The following FGF13 variants were observed in gnomAD, a reference collection of about 807,000 sequenced individuals.
FGF13 encodes fibroblast growth factor homologous factor 2.
Under a neutral mutation model 19.5 loss-of-function variants are expected in FGF13, and 2 were observed. The observed-to-expected ratio is 0.10, with a 90% CI of 0.04 to 0.32. The LOEUF is 0.32. Ranked by LOEUF, FGF13 falls within the 10% of genes least tolerant of loss-of-function variation. The pLI is 1.00. For missense variants in FGF13, 113 were observed against 192.7 expected, an observed-to-expected ratio of 0.59 and a Z score of 2.45; for synonymous variants, 72 against 76.9, an observed-to-expected ratio of 0.94 and a Z score of 0.33.
Position 138,883,345 on chromosome X carries a change from C to A in FGF13, c.-112-18695G>T, listed in dbSNP as rs775782202. On this transcript the variant is annotated intron_variant, in intron 1 of 2. Coordinates refer to the FGF13 transcript ENST00000421460. ...TGGGAATTAGATATTGGGTAGAGGA[C>A]CAGAGACGAGTACATGTGATCCTAC... 4.5e-5 allele frequency among the ~76,000 whole-genome samples: 5 copies of A among 111,390 alleles called. No individual in the cohort carries two copies. The South Asian group carries it at 1.9e-3, about 43-fold the overall frequency.
rs147243483 is a variant in FGF13 at position 138,962,849 on chromosome X, G to T, written c.-112-98199C>A. ...CATCACACACCGGGGCCTGTGATGG[G>T]GTTGTGGGACGGGGAGGGATAGCAT... On this transcript the variant is annotated intron_variant, in intron 1 of 2. Transcript: ENST00000421460. 4.7e-3 allele frequency among the ~76,000 whole-genome samples: 524 copies of T among 111,259 alleles called. 2 individuals are homozygous for T. Among genetic ancestry groups the T allele is most frequent in the African/African-American group, 0.016 (496 of 30,570 alleles).
At chrX:138,686,991 T>C (rs953055879) in intron 3 of FGF13, among the ~76,000 whole-genome samples, 1 of 111,932 alleles carries the variant, frequency 8.9e-6, no homozygotes, top group African/African-American at 3.2e-5. Context: ...ATTCAACATA[T>C]ACAAAAATCA....
chrX:139,092,989 A>T (rs1234657872), intron 1 of FGF13, among the ~76,000 whole-genome samples: 1 of 110,414 alleles, frequency 9.1e-6, no homozygotes, highest in African/African-American at 3.3e-5. Context: ...TCTGTTTAAC[A>T]ACTTTCACAA....
At chrX:138,648,937 A>G (rs2089336298) in intron 3 of FGF13, among the ~76,000 whole-genome samples, 1 of 112,392 alleles carries the variant, frequency 8.9e-6, no homozygotes, top group African/African-American at 3.2e-5. Flanking sequence ...TTGTATCTGA[A>G]CAGAAGGAAG....
At chrX:138,932,703 AGTGTGTGTGTGTGTGTGT>A (rs57793547) in intron 1 of FGF13, among the ~76,000 whole-genome samples, 1 of 90,287 alleles carries the variant, frequency 1.1e-5, no homozygotes, top group African/African-American at 4.1e-5. Flanking sequence ...TCAGGAGTGT[AGTGTGTGTGTGTGTGTGT>A]GTGTGTGTGT....
chrX:139,142,750 C>T (rs1187961195), intron 1 of FGF13, among the ~76,000 whole-genome samples: 1 of 111,833 alleles, frequency 8.9e-6, no homozygotes, highest in Admixed American at 9.5e-5. Context: ...AAGAAAAGAA[C>T]AGAAAAAGCA....
chrX:139,081,299 G>T (rs2083368924), intron 1 of FGF13, among the ~76,000 whole-genome samples: 1 of 111,230 alleles, frequency 9.0e-6, no homozygotes, highest in Non-Finnish European at 1.9e-5. Context: ...TATTTTCTTG[G>T]TTTCTAGGAT....
At chrX:138,955,444 T>C (rs1358016283) in intron 1 of FGF13, among the ~76,000 whole-genome samples, 3 of 112,083 alleles carry the variant, frequency 2.7e-5, no homozygotes, top group African/African-American at 9.7e-5. Flanking sequence ...AGTCTCTCTT[T>C]TAGTCCTCAA....
intron 3 of FGF13, among the ~76,000 whole-genome samples, chrX:138,668,728 A>G (rs2089580046): frequency 9.1e-6 from 1 of 110,207 alleles, no homozygotes; most frequent in African/African-American, 3.3e-5. Flanking sequence ...ATTTCAGAAA[A>G]GACGAGGGAA....
intron 1 of FGF13, among the ~76,000 whole-genome samples, chrX:138,919,498 A>G (rs1466856922): frequency 8.9e-6 from 1 of 112,209 alleles, no homozygotes; most frequent in African/African-American, 3.2e-5. Flanking sequence ...AAAATAAATA[A>G]ATTTTGTAAA....
chrX:139,147,144 A>T (rs2083897396), intron 1 of FGF13, among the ~76,000 whole-genome samples: 1 of 109,288 alleles, frequency 9.2e-6, no homozygotes, highest in East Asian at 2.9e-4. Context: ...AAAAATAAAG[A>T]ACTTACTTGT....
intron 3 of FGF13, among the ~76,000 whole-genome samples, chrX:138,648,119 C>T (rs1405166854): frequency 8.9e-6 from 1 of 112,011 alleles, no homozygotes; most frequent in Non-Finnish European, 1.9e-5. Context: ...CTTTTACCAT[C>T]AACCTCTTAC....
rs756931417 is a variant in FGF13, at chrX:138,781,773, A to G, written c.218-72845T>C. ...ATTCCTTCTGAAACTATTCCAATCA[A>G]TAGAAAAAGAGGGAATCCTCCCTAA... On this transcript the variant is annotated intron_variant, in intron 3 of 6. Coordinates refer to the FGF13 transcript ENST00000436198. Among the ~76,000 whole-genome samples, 9 of 111,973 alleles carry G rather than the reference A, an allele frequency of 8.0e-5. No individual in the cohort carries two copies. In the South Asian group the frequency reaches 3.4e-3, roughly 42 times the overall value.
At chrX:138,839,020 T>C (rs2091131534) in intron 3 of FGF13, among the ~76,000 whole-genome samples, 1 of 111,615 alleles carries the variant, frequency 9.0e-6, no homozygotes, top group Non-Finnish European at 1.9e-5. Context: ...ATGGTATTTA[T>C]GGGTGACACC....
chrX:138,931,235 A>G (rs980366113), intron 1 of FGF13, among the ~76,000 whole-genome samples: 3 of 111,202 alleles, frequency 2.7e-5, no homozygotes, highest in Non-Finnish European at 5.7e-5. Context: ...ACTGAAGTGA[A>G]TATGACAGAA....
Position 138,625,506 on chromosome X carries a change from T to TATATA in FGF13, c.*7339_*7343dup, listed in dbSNP as rs1187175471. 8.8e-5 allele frequency: 8 copies of TATATA among 90,926 alleles called. No homozygotes were observed. The highest frequency in any genetic ancestry group is 4.0e-4 in the African/African-American group (8 of 19,783). 7.5% of individuals were successfully genotyped at this position (90,926 alleles called of 1,213,427 possible). Reference sequence around the variant, plus strand: ...TATAATATATATATATACATATATATATATAATATAATATATATATATATC... The same window carrying TATATA: ...TATAATATATATATATACATATATATATATAATATAATATAATATATATATATATC... On this transcript the variant is annotated 3_prime_UTR_variant, in exon 5 of 5. Transcript: ENST00000315930.
chrX:138,745,870 T>A (rs188497733), intron 3 of FGF13, among the ~76,000 whole-genome samples: 3 of 111,322 alleles, frequency 2.7e-5, no homozygotes, highest in Non-Finnish European at 3.8e-5. Flanking sequence ...TCTTAAAGAA[T>A]ATAAGGCTCT....
intron 3 of FGF13, among the ~76,000 whole-genome samples, chrX:138,761,119 G>A (rs147166936): frequency 5.4e-5 from 6 of 111,517 alleles, no homozygotes; most frequent in Non-Finnish European, 1.1e-4. Context: ...GTTCCTCTCC[G>A]GCCCTGATCT....
intron 1 of FGF13, among the ~76,000 whole-genome samples, chrX:139,005,950 G>A (rs376206756): frequency 9.1e-6 from 1 of 109,588 alleles, no homozygotes; most frequent in South Asian, 4.0e-4. Flanking sequence ...AGTCTCTAAA[G>A]GGCAAAGCTA....
Sources: gnomAD v4.1 joint callset for allele counts (sites outside exome capture counted in the v4.1 genomes callset) on GRCh38, gnomAD v4.1.1 for gene constraint, MANE v1.5 for transcripts, NCBI Gene and HGNC (gene_info 2026-07-23, HGNC 2026-07-21) for gene names.